Variants in MYO19 observed in about 807,000 individuals in gnomAD.
MYO19 encodes myosin XIX.
MYO19 carries 132 observed loss-of-function variants against 129.2 expected under a neutral mutation model. The observed-to-expected ratio is 1.02, with a 90% CI of 0.89 to 1.18. The LOEUF is 1.18. Ranked by LOEUF, MYO19 falls within the 50% of genes most tolerant of loss-of-function variation. MYO19 has a pLI of 0.00. For missense variants in MYO19, 1,210 were observed against 1,216.7 expected (o/e 0.99, Z 0.08); for synonymous variants, 531 against 477.2 (o/e 1.11, Z -1.47).
intron 2 of MYO19, among the ~76,000 whole-genome samples, chr17:36,541,245 A>T (rs2074196672): frequency 6.6e-6 from 1 of 152,178 alleles, no homozygotes; most frequent in South Asian, 2.1e-4. Flanking sequence ...GCACCCGGCC[A>T]ATTTTAATTT....
At position 36,528,202 on chromosome 17, in the gene MYO19, C is replaced by T. The variant is rs550663826; in HGVS notation, c.13G>A (p.Val5Ile). 2 of 1,572,136 alleles carry T rather than the reference C, an allele frequency of 1.3e-6. No individual in the cohort carries two copies. The highest frequency in any genetic ancestry group is 1.7e-6 in the Non-Finnish European group (2 of 1,158,160). MLQQ[V>I]NGHNPGSDGQ... ...TCAGACCCCGGATTGTGGCCATTGA[C>T]CTGGAAGAGATAACGTGAAGGTGAG... Residue 5 changes from valine to isoleucine, a missense_variant and splice_region_variant, in exon 4 of 26, where the codon GTC becomes ATC. Transcript: ENST00000614623.
Position 36,515,889 on chromosome 17 carries a change from G to A in MYO19, c.516C>T (p.Ile172=). 3 of 1,613,408 alleles carry A rather than the reference G, an allele frequency of 1.9e-6. No homozygotes were observed. The highest frequency in any genetic ancestry group is 2.5e-6 in the Non-Finnish European group (3 of 1,179,430). Residue 172 remains isoleucine, a synonymous_variant, in exon 7 of 26, where the codon ATC becomes ATT. Coordinates refer to ENST00000614623, the MANE Select transcript of MYO19 (RefSeq NM_001163735.2). ...HKIAERIEQR[I]LNSNPVMEAF... ...CTTCCATGACAGGGTTGGAGTTCAG[G>A]ATCCTCTGTTCTATCCTCTCTGCAA...
Position 36,506,955 on chromosome 17 carries a change from G to A in MYO19, c.1644+8C>T, listed in dbSNP as rs368990878. The stretch of plus-strand genomic sequence containing the variant: ...CGCAGGCCCCACAGGGCATGGCCCA[G>A]CCCGTACCTTGTTCTTCTCCACCAG... On this transcript the variant is annotated splice_region_variant and intron_variant, in intron 17 of 25. Coordinates refer to ENST00000614623, the MANE Select transcript of MYO19 (RefSeq NM_001163735.2). 6.3e-6 allele frequency: 10 copies of A among 1,585,936 alleles called. No individual in the cohort carries two copies. The African/African-American group carries it at 1.2e-4, about 19-fold the overall frequency.
Position 36,518,540 on chromosome 17 carries a change from ATATATATATATATG to A in MYO19, c.415-2564_415-2551del, listed in dbSNP as rs1173069494. On this transcript the variant is annotated intron_variant, in intron 6 of 25. Coordinates refer to ENST00000614623, the MANE Select transcript of MYO19 (RefSeq NM_001163735.2). Reference sequence around the variant, plus strand: ...AAAAAAAAAAAAAATATATATATATATATATATATATATGTGTATGTGTATATATATGTATATAC... The same window carrying A: ...AAAAAAAAAAAAAATATATATATATATGTATGTGTATATATATGTATATAC... 2.4e-4 allele frequency among the ~76,000 whole-genome samples: 25 copies of A among 103,294 alleles called. 1 individual carries two copies. The highest frequency in any genetic ancestry group is 5.6e-4 in the African/African-American group (15 of 26,758). 67.8% of individuals were successfully genotyped at this position (103,294 alleles called of 152,430 possible).
chr17:36,525,618 C>T (rs1463645230), intron 5 of MYO19, among the ~76,000 whole-genome samples: 2 of 152,180 alleles, frequency 1.3e-5, no homozygotes, highest in South Asian at 4.1e-4. Context: ...ATTGTCTTAT[C>T]CTTCTGCCTA....
At chr17:36,513,760 G>A (rs372392404) in intron 9 of MYO19, 35 bp from the exon 10 acceptor site, 33 of 1,591,798 alleles carry the variant, frequency 2.1e-5, no homozygotes, top group Middle Eastern at 2.0e-4. Context: ...CTGGGTAGGG[G>A]GTCTGAGAAA....
At chr17:36,535,826 CT>C (rs77584694), upstream of MYO19, among the ~76,000 whole-genome samples, 347 of 143,416 alleles carry the variant, frequency 2.4e-3, no homozygotes, top group Non-Finnish European at 2.7e-3. Flanking sequence ...TTTAATTTTT[CT>C]TTTTTTTTTT....
intron 17 of MYO19, 74 bp from the exon 18 acceptor site, chr17:36,506,682 G>A: frequency 6.8e-7 from 1 of 1,478,136 alleles, no homozygotes; most frequent in South Asian, 1.4e-5. Context: ...GCCCACCCAA[G>A]CCGCAGATGA....
At chr17:36,536,841 T>A (rs760133823), upstream of MYO19, among the ~76,000 whole-genome samples, 1 of 152,206 alleles carries the variant, frequency 6.6e-6, no homozygotes, top group Non-Finnish European at 1.5e-5. Flanking sequence ...TGTGAGTCTG[T>A]CTTGTACAGG....
intron 11 of MYO19, chr17:36,512,921 A>G: frequency 1.1e-6 from 1 of 909,490 alleles, no homozygotes; most frequent in Non-Finnish European, 1.5e-6. Context: ...GGGTTGGGGG[A>G]AGACAGAGAG....
rs763351342 is a variant in MYO19, at chr17:36,496,277, A to G, written c.2887T>C (p.Ser963Pro). 6.8e-6 allele frequency: 11 copies of G among 1,613,934 alleles called. No individual in the cohort carries two copies. The highest frequency in any genetic ancestry group is 1.6e-4 in the Middle Eastern group (1 of 6,084). ...CACCCCAGCCCAGTGAAGGCAGAAG[A>G]GGTCACGTGGATCAGCCTGTGTCTT... The part of the protein sequence containing the change: ...LERHRLIHVT[S>P]SAFTGLG The change falls in exon 26 of 26, where the codon TCT becomes CCT. Residue 963 changes from serine (S) to proline (P), a missense_variant. Coordinates refer to ENST00000614623, the MANE Select transcript of MYO19 (RefSeq NM_001163735.2).
At chr17:36,529,651 A>AC (rs1468195728) in intron 3 of MYO19, among the ~76,000 whole-genome samples, 1 of 152,160 alleles carries the variant, frequency 6.6e-6, no homozygotes, top group Non-Finnish European at 1.5e-5. Context: ...CCTCCAGAGT[A>AC]ACTGCGGAGG....
rs966331392 is a variant in MYO19 at position 36,499,095 on chromosome 17, G to A, written c.2443C>T (p.Arg815Cys). ...CTTACTCTCCACTTCTGCCATGCAC[G>A]CTTGATGACTGTGGCAGCTGCATGC... ...RLHAAATVIK[R>C]AWQKWRIRMA... Residue 815 changes from arginine to cysteine, a missense_variant, in exon 24 of 26, where the codon CGT becomes TGT. Coordinates refer to ENST00000614623, the MANE Select transcript of MYO19 (RefSeq NM_001163735.2). The A allele has an allele frequency of 9.3e-6, 15 of 1,609,616 alleles. No homozygotes were observed. Among genetic ancestry groups the A allele is most frequent in the Middle Eastern group, 3.3e-4 (2 of 6,070 alleles).
chr17:36,530,605 C>T (rs993140242), intron 3 of MYO19, among the ~76,000 whole-genome samples: 56 of 150,514 alleles, frequency 3.7e-4, no homozygotes, highest in Admixed American at 8.6e-4. Flanking sequence ...TACAGGCACG[C>T]GTAAAAGTGG....
At position 36,520,076 on chromosome 17, in the gene MYO19, A is replaced by T. The variant is rs896283545; in HGVS notation, c.415-4086T>A. On this transcript the variant is annotated intron_variant, in intron 6 of 25. Transcript: ENST00000614623. Reference sequence around the variant, plus strand: ...CTACAACTTCCTCCTCCTGGGTTCAAGCAATTCTCCCACCTCAGCTCCCAA... The same window carrying T: ...CTACAACTTCCTCCTCCTGGGTTCATGCAATTCTCCCACCTCAGCTCCCAA... Among the ~76,000 whole-genome samples the T allele has an allele frequency of 5.9e-5, 9 of 151,902 alleles. No individual in the cohort carries two copies. The East Asian group carries it at 1.5e-3, about 26-fold the overall frequency.
upstream of MYO19, chr17:36,537,893 TG>T (rs1294451965): frequency 1.9e-6 from 3 of 1,614,032 alleles, no homozygotes; most frequent in South Asian, 3.3e-5. Flanking sequence ...CCTGGATTAT[TG>T]CCCTCGGCAT....
chr17:36,510,405 C>T (rs1041261116), intron 13 of MYO19, among the ~76,000 whole-genome samples: 2 of 152,252 alleles, frequency 1.3e-5, no homozygotes, highest in African/African-American at 4.8e-5. Flanking sequence ...ACTGCGAAGG[C>T]TCTAGATCAC....
chr17:36,500,625 T>C (rs776091391), intron 23 of MYO19: 7 of 653,936 alleles, frequency 1.1e-5, no homozygotes, highest in African/African-American at 3.6e-5. Context: ...AGCACCTTTG[T>C]TTGTGGAGTG....
chr17:36,499,752 G>A (rs1479700786), intron 23 of MYO19: 2 of 130,918 alleles, frequency 1.5e-5, no homozygotes, highest in Non-Finnish European at 3.1e-5. Flanking sequence ...TGTAGCCTCC[G>A]TAAGGCTGTA....
Sources: gnomAD v4.1 joint callset for allele counts (sites outside exome capture counted in the v4.1 genomes callset) on GRCh38, gnomAD v4.1.1 for gene constraint, MANE v1.5 for transcripts, NCBI Gene and HGNC (gene_info 2026-07-23, HGNC 2026-07-21) for gene names.